The following SUZ12 variants were observed in gnomAD, a reference collection of about 807,000 sequenced individuals.
SUZ12 encodes polycomb protein SUZ12.
SUZ12 carries 17 observed loss-of-function variants against 87.3 expected under a neutral mutation model. The observed-to-expected ratio is 0.19, with a 90% CI of 0.13 to 0.29. The LOEUF is 0.29. Ranked by LOEUF, SUZ12 falls within the 10% of genes least tolerant of loss-of-function variation. The pLI is 1.00. For synonymous variants in SUZ12, 253 were observed against 312.4 expected (o/e 0.81, Z 2.01); for missense variants, 526 against 912.2 (o/e 0.58, Z 5.45).
At chr17:31,943,889 G>C (rs1906457045) in intron 3 of SUZ12, among the ~76,000 whole-genome samples, 1 of 151,768 alleles carries the variant, frequency 6.6e-6, no homozygotes, top group South Asian at 2.1e-4. Context: ...GTAGAGACAG[G>C]GTTTCACCAT....
At chr17:31,973,365 T>A (rs1908546447) in intron 6 of SUZ12, 134 bp downstream of exon 6, 2 of 631,578 alleles carry the variant, frequency 3.2e-6, no homozygotes, top group Non-Finnish European at 5.2e-6. Context: ...ATGGCCTAAT[T>A]ATAAAACTGA....
intron 4 of SUZ12, among the ~76,000 whole-genome samples, chr17:31,961,212 C>CA (rs764900871): frequency 0.12 from 15,718 of 135,856 alleles, 1,069 homozygotes; most frequent in Middle Eastern, 0.18. Context: ...GACTCCGTCT[C>CA]AAAAAAAAAA....
At position 31,998,766 on chromosome 17, in the gene SUZ12, C is replaced by T. The variant is rs374759213; in HGVS notation, c.1983C>T (p.Val661=). The T allele has an allele frequency of 6.2e-7, 1 of 1,611,658 alleles. No homozygotes were observed. The highest frequency in any genetic ancestry group is 1.3e-5 in the African/African-American group (1 of 74,850). ...NLCRNFMLHL[V]SMHDFNLISI... ...GTCGAAACTTCATGCTTCATCTAGTCAGCATGCATGACTTTAATCTTATTA... is the reference window on the plus strand; with the variant it reads ...GTCGAAACTTCATGCTTCATCTAGTTAGCATGCATGACTTTAATCTTATTA... Residue 661 remains valine (V), a synonymous_variant, in exon 16 of 16, where the codon GTC becomes GTT. Transcript: ENST00000322652.
chr17:31,999,113 A>G lies in SUZ12; in HGVS notation c.*110A>G, dbSNP rs1910133147. On this transcript the variant is annotated 3_prime_UTR_variant, in exon 16 of 16. Transcript: ENST00000322652. ...TCATATGTTCCAAACAGGCACTGTTAGATGAAGTAAATGATTTCAACAAGG... is the reference window on the plus strand; with the variant it reads ...TCATATGTTCCAAACAGGCACTGTTGGATGAAGTAAATGATTTCAACAAGG... 5 of 881,240 alleles carry G rather than the reference A, an allele frequency of 5.7e-6. No individual in the cohort carries two copies. The highest frequency in any genetic ancestry group is 4.5e-5 in the South Asian group (2 of 44,486). 54.6% of individuals were successfully genotyped at this position (881,240 alleles called of 1,614,324 possible).
intron 4 of SUZ12, among the ~76,000 whole-genome samples, chr17:31,958,812 C>T (rs570207956): frequency 2.0e-5 from 3 of 152,098 alleles, no homozygotes; most frequent in Non-Finnish European, 4.4e-5. Flanking sequence ...CACCGCTGCA[C>T]TCCATCCTGG....
intron 6 of SUZ12, among the ~76,000 whole-genome samples, chr17:31,974,894 C>T (rs1908653362): frequency 1.3e-5 from 2 of 152,084 alleles, no homozygotes; most frequent in South Asian, 4.2e-4. Flanking sequence ...CAGAATATTA[C>T]TCAGAATATG....
chr17:31,943,938 C>T (rs553164492), intron 3 of SUZ12, among the ~76,000 whole-genome samples: 24 of 151,808 alleles, frequency 1.6e-4, no homozygotes, highest in Admixed American at 8.6e-4. Flanking sequence ...CCTCATGATC[C>T]GCCTGCCTTG....
chr17:31,974,060 C>G (rs1254344288), intron 6 of SUZ12, among the ~76,000 whole-genome samples: 3 of 151,906 alleles, frequency 2.0e-5, no homozygotes, highest in Non-Finnish European at 4.4e-5. Context: ...CTGTCTCTAC[C>G]AAAAATACAA....
intron 5 of SUZ12, among the ~76,000 whole-genome samples, chr17:31,970,929 G>T (rs1299396688): frequency 2.0e-5 from 3 of 152,082 alleles, no homozygotes; most frequent in Non-Finnish European, 4.4e-5. Context: ...ATGAATTAGT[G>T]ATTAAATATT....
chr17:31,979,234 T>C (rs1908954576), intron 8 of SUZ12, among the ~76,000 whole-genome samples: 1 of 152,222 alleles, frequency 6.6e-6, no homozygotes, highest in African/African-American at 2.4e-5. Context: ...TTGATTTATT[T>C]ATGAGGCTAT....
intron 9 of SUZ12, among the ~76,000 whole-genome samples, chr17:31,987,756 C>A (rs1909489522): frequency 6.6e-6 from 1 of 151,990 alleles, no homozygotes. Flanking sequence ...GATGATGAAA[C>A]CCCGTCTCTA....
Position 31,940,340 on chromosome 17 carries a change from G to A in SUZ12, c.321+8G>A. The A allele has an allele frequency of 6.2e-7, 1 of 1,613,154 alleles. No homozygotes were observed. Among genetic ancestry groups the A allele is most frequent in the South Asian group, 1.1e-5 (1 of 90,962 alleles). On this transcript the variant is annotated splice_region_variant and intron_variant, in intron 2 of 15. Coordinates refer to ENST00000322652, the MANE Select transcript of SUZ12 (RefSeq NM_015355.4). Reference sequence around the variant, plus strand: ...ACTCGGAATCTCATAGCAGTAAGTAGTCAACAAAATTCATCAATATTATTT... The same window carrying A: ...ACTCGGAATCTCATAGCAGTAAGTAATCAACAAAATTCATCAATATTATTT...
intron 10 of SUZ12, among the ~76,000 whole-genome samples, chr17:31,989,076 TAAATA>T (rs1022860084): frequency 5.9e-5 from 9 of 151,326 alleles, no homozygotes; most frequent in Non-Finnish European, 2.9e-5. Context: ...TCAAAAAAAA[TAAATA>T]AAAGTAAGTC....
intron 5 of SUZ12, among the ~76,000 whole-genome samples, chr17:31,967,770 A>G (rs1227985097): frequency 6.6e-6 from 1 of 152,146 alleles, no homozygotes; most frequent in Non-Finnish European, 1.5e-5. Flanking sequence ...GAAGTCCAAG[A>G]TGGCAGGATG....
chr17:31,957,116 C>T (rs575477605), intron 4 of SUZ12, among the ~76,000 whole-genome samples: 5 of 152,166 alleles, frequency 3.3e-5, no homozygotes, highest in African/African-American at 7.2e-5. Context: ...GAGTCTTGCT[C>T]CATTGCCCGG....
chr17:31,978,181 C>A (rs1349344581), intron 8 of SUZ12, among the ~76,000 whole-genome samples: 2 of 151,934 alleles, frequency 1.3e-5, no homozygotes, highest in African/African-American at 2.4e-5. Context: ...GTAACTAGGC[C>A]ATTCCTCCTA....
intron 3 of SUZ12, among the ~76,000 whole-genome samples, chr17:31,942,916 T>A (rs1339925227): frequency 6.6e-6 from 1 of 152,230 alleles, no homozygotes; most frequent in Non-Finnish European, 1.5e-5. Context: ...CATTATAGTT[T>A]TAGTAAAACC....
At chr17:31,968,744 G>A (rs372950739) in intron 5 of SUZ12, among the ~76,000 whole-genome samples, 1 of 151,986 alleles carries the variant, frequency 6.6e-6, no homozygotes, top group Non-Finnish European at 1.5e-5. Context: ...TACTTCTGAC[G>A]TGTCTAGACT....
chr17:31,947,509 A>G, intron 3 of SUZ12, 108 bp from the exon 4 acceptor site: 1 of 1,371,538 alleles, frequency 7.3e-7, no homozygotes, highest in Non-Finnish European at 9.9e-7. Flanking sequence ...TCTTACTAAA[A>G]ATAATCAAAA....
Sources: allele counts gnomAD v4.1 joint callset (sites outside exome capture counted in the v4.1 genomes callset), GRCh38; gene constraint gnomAD v4.1.1; transcripts MANE v1.5; gene names NCBI Gene and HGNC (gene_info 2026-07-23, HGNC 2026-07-21).